SPINK14: variants seen among roughly 807,000 people sequenced by gnomAD.
SPINK14 encodes serine peptidase inhibitor Kazal type 14 (putative).
Under a neutral mutation model 14.2 loss-of-function variants are expected in SPINK14, and 6 were observed. That is an observed-to-expected ratio of 0.42 (90% CI 0.23 to 0.83). The LOEUF is 0.83. Among genes scored for constraint, SPINK14 ranks in the 40% least tolerant of loss-of-function variants. The pLI, the probability that SPINK14 is intolerant of heterozygous loss-of-function variation, is 0.28. For synonymous variants in SPINK14, 34 were observed against 36.8 expected, an observed-to-expected ratio of 0.92 and a Z score of 0.27; for missense variants, 86 against 108.3, an observed-to-expected ratio of 0.79 and a Z score of 0.91.
intron 3 of SPINK14, among the ~76,000 whole-genome samples, chr5:148,172,248 G>C (rs530653437): frequency 6.6e-6 from 1 of 152,092 alleles, no homozygotes; most frequent in Admixed American, 6.6e-5. Flanking sequence ...GGTGAAGAGG[G>C]GGGAGAAAGA....
chr5:148,170,171 TATAC>T (rs1378149854), intron 2 of SPINK14, among the ~76,000 whole-genome samples: 7 of 138,258 alleles, frequency 5.1e-5, no homozygotes, highest in Admixed American at 1.5e-4. Context: ...TATATATATA[TATAC>T]ACACACACAC....
chr5:148,171,975 A>G (rs1755111601), intron 3 of SPINK14, among the ~76,000 whole-genome samples: 1 of 152,184 alleles, frequency 6.6e-6, no homozygotes, highest in East Asian at 1.9e-4. Context: ...AAAAATATTT[A>G]TTAATCACCT....
rs570875740 is a variant in SPINK14, at chr5:148,169,855, A to G, written c.67+56A>G. 31 of 1,420,110 alleles carry G rather than the reference A, an allele frequency of 2.2e-5. No homozygotes were observed. The African/African-American group carries it at 4.2e-4, about 19-fold the overall frequency. 88.0% of individuals were successfully genotyped at this position (1,420,110 alleles called of 1,614,324 possible). A position where few individuals can be genotyped will look rare whatever the true frequency, so the allele number is the denominator to read the frequency against. ...TTGAAATTGATTTGTGGGCTTTTAC[A>G]TCATAATCTGAGAGAGAATGCTTTG... On this transcript the variant is annotated intron_variant, in intron 2 of 4. Coordinates refer to ENST00000356972, the MANE Select transcript of SPINK14 (RefSeq NM_001001325.2).
chr5:148,169,912 A>G, intron 2 of SPINK14, 113 bp downstream of exon 2: 1 of 542,008 alleles, frequency 1.8e-6, no homozygotes, highest in Non-Finnish European at 3.0e-6. Context: ...GAATATATAT[A>G]TATGTGTATA....
Position 148,174,117 on chromosome 5 carries a change from G to A in SPINK14, c.112-117G>A. The A allele has an allele frequency of 3.6e-6, 2 of 562,488 alleles. 1 individual carries two copies. The highest frequency in any genetic ancestry group is 7.1e-5 in the East Asian group (2 of 28,132). 34.8% of individuals were successfully genotyped at this position (562,488 alleles called of 1,614,324 possible). ...CCTCAGCCTCCCAAAATGTTGGAAT[G>A]ACAGGCATGAGCCACCACGCCTAGA... On this transcript the variant is annotated intron_variant, in intron 3 of 4. Transcript: ENST00000356972.
At chr5:148,170,908 A>T in intron 2 of SPINK14, 22 bp from the exon 3 acceptor site, 2 of 1,604,740 alleles carry the variant, frequency 1.2e-6, no homozygotes, top group Non-Finnish European at 1.7e-6. Context: ...AAATTCTGTA[A>T]CTATTTTCAT....
At chr5:148,173,270 T>C (rs910614242) in intron 3 of SPINK14, among the ~76,000 whole-genome samples, 2 of 152,122 alleles carry the variant, frequency 1.3e-5, no homozygotes, top group African/African-American at 4.8e-5. Context: ...CTGAGAACAC[T>C]AGCCTCAAGC....
At chr5:148,171,258 G>C (rs1375937829) in intron 3 of SPINK14, among the ~76,000 whole-genome samples, 1 of 152,084 alleles carries the variant, frequency 6.6e-6, no homozygotes, top group Non-Finnish European at 1.5e-5. Context: ...AGGTTCTTAA[G>C]AGCCTATGGA....
At position 148,171,436 on chromosome 5, in the gene SPINK14, G is replaced by C. The variant is rs1755104610; in HGVS notation, c.111+463G>C. On this transcript the variant is annotated intron_variant, in intron 3 of 4. Coordinates refer to ENST00000356972, the MANE Select transcript of SPINK14 (RefSeq NM_001001325.2). ...ATGGAAGAAAATGTGAAGAACAGTAGATACCTGAACAGAGCCTCAAACTAT... is the reference window on the plus strand; with the variant it reads ...ATGGAAGAAAATGTGAAGAACAGTACATACCTGAACAGAGCCTCAAACTAT... Among the ~76,000 whole-genome samples, 5 of 152,292 alleles carry C rather than the reference G, an allele frequency of 3.3e-5. No homozygotes were observed. In the South Asian group the frequency reaches 1.0e-3, roughly 32 times the overall value.
intron 2 of SPINK14, among the ~76,000 whole-genome samples, chr5:148,170,158 G>GTA (rs758904018): frequency 0.013 from 1,897 of 141,460 alleles, 50 homozygotes; most frequent in African/African-American, 0.046. Context: ...CATACTCAGA[G>GTA]TATATATATA....
At position 148,174,440 on chromosome 5, in the gene SPINK14, C is replaced by A; in HGVS notation, c.248+70C>A. 4.5e-6 allele frequency: 4 copies of A among 879,380 alleles called. 2 individuals carry two copies. The Admixed American group carries it at 8.7e-5, about 19-fold the overall frequency. 54.5% of individuals were successfully genotyped at this position (879,380 alleles called of 1,614,324 possible). The stretch of plus-strand genomic sequence containing the variant: ...TCCACAGCAATTACCATCTACCCTT[C>A]CTATCAAGTACATCAACCTTGAAGC... On this transcript the variant is annotated intron_variant, in intron 4 of 4. Transcript: ENST00000356972.
In SPINK14 at chr5:148,169,751, G is replaced by T. The variant is rs765688288; in HGVS notation, c.19G>T (p.Val7Leu). 1 of 1,605,544 alleles carries T rather than the reference G, an allele frequency of 6.2e-7. No individual in the cohort carries two copies. The highest frequency in any genetic ancestry group is 1.1e-5 in the South Asian group (1 of 90,200). Residue 7 changes from valine (V) to leucine (L), a missense_variant, in exon 2 of 5, where the codon GTA becomes TTA. By Grantham distance (32) the Val-to-Leu change is conservative. Coordinates refer to ENST00000356972, the MANE Select transcript of SPINK14 (RefSeq NM_001001325.2). Reference sequence around the variant, plus strand: ...AGGAAAAATGGCCAAATCTTTCCCAGTATTCTCACTTTTGTCCTTTATCTT... The same window carrying T: ...AGGAAAAATGGCCAAATCTTTCCCATTATTCTCACTTTTGTCCTTTATCTT... The part of the protein sequence containing the change: MAKSFP[V>L]FSLLSFILIH...
At chr5:148,170,165 T>TACACACACAC (rs1173691697) in intron 2 of SPINK14, among the ~76,000 whole-genome samples, 16 of 102,770 alleles carry the variant, frequency 1.6e-4, no homozygotes, top group African/African-American at 5.5e-4. Context: ...AGAGTATATA[T>TACACACACAC]ATATATATAC....
intron 3 of SPINK14, 33 bp downstream of exon 3, chr5:148,171,006 A>G (rs1755097785): frequency 6.3e-7 from 1 of 1,595,314 alleles, no homozygotes; most frequent in African/African-American, 1.3e-5. Flanking sequence ...CCCAGGACTT[A>G]CATTATAATA....
chr5:148,171,416 A>G (rs1486263849), intron 3 of SPINK14, among the ~76,000 whole-genome samples: 1 of 152,172 alleles, frequency 6.6e-6, no homozygotes, highest in Non-Finnish European at 1.5e-5. Flanking sequence ...TATGGATGGA[A>G]GAAAATGTGA....
At chr5:148,172,935 A>T (rs933195255) in intron 3 of SPINK14, among the ~76,000 whole-genome samples, 4 of 152,174 alleles carry the variant, frequency 2.6e-5, no homozygotes, top group African/African-American at 9.6e-5. Context: ...TCCAGGTCAC[A>T]TAGGGACTTT....
intron 3 of SPINK14, among the ~76,000 whole-genome samples, chr5:148,172,514 GT>G (rs1395689282): frequency 6.6e-6 from 1 of 152,138 alleles, no homozygotes; most frequent in Admixed American, 6.6e-5. Flanking sequence ...TTTGGCAAAT[GT>G]TTATATAGCA....
intron 1 of SPINK14, among the ~76,000 whole-genome samples, chr5:148,168,788 A>G (rs1043905170): frequency 1.3e-5 from 2 of 152,266 alleles, no homozygotes; most frequent in Admixed American, 1.3e-4. Flanking sequence ...AGAACTTGCA[A>G]TCATCCTGAG....
intron 3 of SPINK14, among the ~76,000 whole-genome samples, chr5:148,171,629 C>T (rs1159723951): frequency 2.6e-5 from 4 of 152,092 alleles, no homozygotes; most frequent in South Asian, 4.1e-4. Flanking sequence ...TGTATTCCTT[C>T]CCTTTAGAAG....
Sources: allele counts gnomAD v4.1 joint callset (sites outside exome capture counted in the v4.1 genomes callset), GRCh38; gene constraint gnomAD v4.1.1; transcripts MANE v1.5; gene names NCBI Gene and HGNC (gene_info 2026-07-23, HGNC 2026-07-21).